Variants in KCNH8 observed in about 807,000 individuals in gnomAD.
The protein encoded by KCNH8 is voltage-gated delayed rectifier potassium channel KCNH8.
In KCNH8, 70 loss-of-function variants were observed where a neutral mutation model predicts 103.6. The observed-to-expected ratio is 0.68, with a 90% CI of 0.56 to 0.82. KCNH8 has a LOEUF of 0.82. KCNH8 is among the 40% of genes least tolerant of loss of function. KCNH8 has a pLI of 0.00. For synonymous variants in KCNH8, 498 were observed against 489.4 expected (o/e 1.02, Z -0.23); for missense variants, 1,217 against 1,329.9 (o/e 0.92, Z 1.32).
intron 1 of KCNH8, among the ~76,000 whole-genome samples, chr3:19,243,332 AGTTT>A (rs1483232268): frequency 6.6e-6 from 1 of 152,046 alleles, no homozygotes; most frequent in African/African-American, 2.4e-5. Flanking sequence ...CCTTAATTAA[AGTTT>A]GTTTTTTCCA....
chr3:19,223,605 C>T (rs2063898828), intron 1 of KCNH8, among the ~76,000 whole-genome samples: 1 of 152,136 alleles, frequency 6.6e-6, no homozygotes, highest in Non-Finnish European at 1.5e-5. Context: ...CTGGATTCCA[C>T]TGTGCTTTCT....
At chr3:19,344,743 TAAC>T (rs2065706960) in intron 4 of KCNH8, among the ~76,000 whole-genome samples, 1 of 152,132 alleles carries the variant, frequency 6.6e-6, no homozygotes. Context: ...CTGGCTGTAA[TAAC>T]ATTTGCACAC....
At chr3:19,361,669 T>C (rs1374732838) in intron 5 of KCNH8, among the ~76,000 whole-genome samples, 1 of 152,096 alleles carries the variant, frequency 6.6e-6, no homozygotes, top group Non-Finnish European at 1.5e-5. Flanking sequence ...GGAGTAAAAA[T>C]TAAACAAATG....
chr3:19,387,511 C>A (rs1472215670), intron 5 of KCNH8, among the ~76,000 whole-genome samples: 2 of 152,012 alleles, frequency 1.3e-5, no homozygotes, highest in Non-Finnish European at 2.9e-5. Context: ...AAAAGTGTTT[C>A]GTAAATATAC....
chr3:19,256,464 A>T (rs114747517), intron 2 of KCNH8, among the ~76,000 whole-genome samples: 399 of 152,220 alleles, frequency 2.6e-3, no homozygotes, highest in African/African-American at 9.3e-3. Context: ...AAAATGCAGG[A>T]TGTTGCTGAG....
intron 11 of KCNH8, among the ~76,000 whole-genome samples, chr3:19,483,120 G>A (rs1204607793): frequency 6.6e-6 from 1 of 151,858 alleles, no homozygotes; most frequent in African/African-American, 2.4e-5. Flanking sequence ...CTGTTTTTAT[G>A]GGCAGTAGGA....
At chr3:19,183,190 A>G (rs74683937) in intron 1 of KCNH8, among the ~76,000 whole-genome samples, 6,317 of 152,298 alleles carry the variant, frequency 0.041, 472 homozygotes, top group African/African-American at 0.14. Context: ...CCAATGTGCT[A>G]TAATAATAAA....
chr3:19,296,385 A>G (rs959834819), intron 3 of KCNH8, among the ~76,000 whole-genome samples: 11 of 152,244 alleles, frequency 7.2e-5, no homozygotes, highest in African/African-American at 2.7e-4. Flanking sequence ...GGTGAGCTGA[A>G]CAAATATTAA....
chr3:19,352,827 G>A (rs576149319), intron 5 of KCNH8, among the ~76,000 whole-genome samples: 1 of 152,234 alleles, frequency 6.6e-6, no homozygotes, highest in Admixed American at 6.5e-5. Context: ...AAAAGAACTA[G>A]AGAAGCAAGA....
At chr3:19,378,379 C>T (rs1013064450) in intron 5 of KCNH8, among the ~76,000 whole-genome samples, 6 of 152,008 alleles carry the variant, frequency 3.9e-5, no homozygotes, top group Admixed American at 2.6e-4. Context: ...TTTCATTGTA[C>T]AATAGAGTTG....
At chr3:19,172,894 C>T (rs1356747619) in intron 1 of KCNH8, among the ~76,000 whole-genome samples, 2 of 151,994 alleles carry the variant, frequency 1.3e-5, no homozygotes, top group African/African-American at 4.8e-5. Flanking sequence ...TGCTCTAATC[C>T]CATCTCCTGC....
rs1050651865 is a variant in KCNH8, at chr3:19,195,054, GAT to G, written c.76+46262_76+46263del. Among the ~76,000 whole-genome samples, 109 of 151,944 alleles carry G rather than the reference GAT, an allele frequency of 7.2e-4. 1 individual carries two copies. Among genetic ancestry groups the G allele is most frequent in the African/African-American group, 2.5e-3 (104 of 41,486 alleles). ...TAGAAAAAAATGATTAATAAGACATGATATGTTTTAGGGGAGAATACCAATAA... is the reference window on the plus strand; with the variant it reads ...TAGAAAAAAATGATTAATAAGACATGATGTTTTAGGGGAGAATACCAATAA... On this transcript the variant is annotated intron_variant, in intron 1 of 15. Coordinates refer to ENST00000328405, the MANE Select transcript of KCNH8 (RefSeq NM_144633.3).
chr3:19,232,690 C>T (rs964366465), intron 1 of KCNH8, among the ~76,000 whole-genome samples: 12 of 152,272 alleles, frequency 7.9e-5, no homozygotes, highest in African/African-American at 2.9e-4. Flanking sequence ...AAATGCCCAA[C>T]CTGGGATAGC....
intron 2 of KCNH8, among the ~76,000 whole-genome samples, chr3:19,255,190 C>T (rs919135401): frequency 4.7e-4 from 71 of 152,188 alleles, no homozygotes; most frequent in African/African-American, 1.7e-3. Context: ...AGAAGAGAGG[C>T]CTCAGGAGAA....
intron 1 of KCNH8, among the ~76,000 whole-genome samples, chr3:19,176,092 A>T (rs1311619167): frequency 6.6e-6 from 1 of 152,206 alleles, no homozygotes; most frequent in Non-Finnish European, 1.5e-5. Flanking sequence ...GAATTTTCTC[A>T]GAAAATATGT....
intron 2 of KCNH8, among the ~76,000 whole-genome samples, chr3:19,265,604 C>T (rs1250779772): frequency 6.6e-6 from 1 of 151,890 alleles, no homozygotes; most frequent in Non-Finnish European, 1.5e-5. Context: ...AACTTTGAAC[C>T]CTGGCCTGTG....
intron 3 of KCNH8, among the ~76,000 whole-genome samples, chr3:19,293,583 A>G (rs73182719): frequency 0.02 from 3,109 of 152,246 alleles, 108 homozygotes; most frequent in African/African-American, 0.07. Flanking sequence ...GCCCTGTGAC[A>G]TATACATTTC....
chr3:19,290,285 G>C (rs2064899625), intron 3 of KCNH8, among the ~76,000 whole-genome samples: 2 of 152,106 alleles, frequency 1.3e-5, no homozygotes, highest in South Asian at 4.1e-4. Flanking sequence ...ACACTATGTT[G>C]AATAGGAGTG....
chr3:19,507,128 G>A (rs1257016892), intron 11 of KCNH8, among the ~76,000 whole-genome samples: 1 of 152,134 alleles, frequency 6.6e-6, no homozygotes, highest in African/African-American at 2.4e-5. Flanking sequence ...GGCCCTGCTT[G>A]GTGAAGAATG....
Sources: gnomAD v4.1 joint callset for allele counts (sites outside exome capture counted in the v4.1 genomes callset) on GRCh38, gnomAD v4.1.1 for gene constraint, MANE v1.5 for transcripts, NCBI Gene and HGNC (gene_info 2026-07-23, HGNC 2026-07-21) for gene names.